KATNIP: variants seen among roughly 807,000 people sequenced by gnomAD.
The protein encoded by KATNIP is katanin-interacting protein.
In KATNIP, 126 loss-of-function variants were observed where a neutral mutation model predicts 174.0. The observed-to-expected ratio is 0.72, with a 90% CI of 0.63 to 0.84. The LOEUF is 0.84. KATNIP is among the 40% of genes least tolerant of loss of function. The pLI, the probability that KATNIP is intolerant of heterozygous loss-of-function variation, is 0.00. For synonymous variants in KATNIP, 810 were observed against 835.7 expected (o/e 0.97, Z 0.53); for missense variants, 1,958 against 2,109.7 (o/e 0.93, Z 1.41).
intron 14 of KATNIP, among the ~76,000 whole-genome samples, chr16:27,739,073 G>T (rs775854309): frequency 1.3e-5 from 2 of 152,154 alleles, no homozygotes. Context: ...AGGAGACAAC[G>T]CAGAGTGGAA....
chr16:27,757,471 T>C, intron 18 of KATNIP: 1 of 984,804 alleles, frequency 1.0e-6, no homozygotes, highest in Non-Finnish European at 1.2e-6. Flanking sequence ...CACTGTCCCC[T>C]TCATCTGATG....
Position 27,740,597 on chromosome 16 carries a change from G to A in KATNIP, c.2300G>A (p.Gly767Glu). ...PSPTGKDRKQ[G>E]GRKPKPLWLS... ...CCCACCGGCAAGGACAGGAAGCAGG[G>A]AGGCAGGAAGCCAAAACCCCTCTGG... The change falls in exon 15 of 28, where the codon GGA becomes GAA. Residue 767 changes from glycine to glutamate, a missense_variant. This residue lies in a region of KATNIP where 1,557 missense variants were observed against 1,617.8 expected (regional missense o/e 0.96). Transcript: ENST00000261588. The A allele has an allele frequency of 1.2e-6, 2 of 1,614,208 alleles. No individual in the cohort carries two copies. The highest frequency in any genetic ancestry group is 1.7e-6 in the Non-Finnish European group (2 of 1,180,042).
chr16:27,597,402 C>CTTTT (rs36005993), intron 2 of KATNIP, among the ~76,000 whole-genome samples: 4 of 46,142 alleles, frequency 8.7e-5, no homozygotes, highest in Non-Finnish European at 1.7e-4. Flanking sequence ...ATTTTCTTTT[C>CTTTT]TTTTTTTTTT....
At chr16:27,691,549 G>T (rs1418100402) in intron 8 of KATNIP, among the ~76,000 whole-genome samples, 1 of 152,180 alleles carries the variant, frequency 6.6e-6, no homozygotes, top group African/African-American at 2.4e-5. Context: ...ATTAAAAGGT[G>T]GTTACCTCGT....
At chr16:27,691,364 C>T (rs1292569106) in intron 8 of KATNIP, among the ~76,000 whole-genome samples, 12 of 152,100 alleles carry the variant, frequency 7.9e-5, no homozygotes, top group Non-Finnish European at 1.8e-4. Context: ...TGGTTCTCAA[C>T]CAGAAAAGAG....
At chr16:27,772,584 C>T (rs2082344480) in intron 22 of KATNIP, among the ~76,000 whole-genome samples, 1 of 152,220 alleles carries the variant, frequency 6.6e-6, no homozygotes, top group Non-Finnish European at 1.5e-5. Flanking sequence ...CGGCCCATGG[C>T]CCCTGGCGCT....
chr16:27,579,632 C>T (rs1025077471), intron 2 of KATNIP, among the ~76,000 whole-genome samples: 4 of 151,832 alleles, frequency 2.6e-5, no homozygotes, highest in African/African-American at 4.8e-5. Context: ...GCTGTGTGTC[C>T]CCAGGCACCT....
chr16:27,582,474 A>C (rs1356449600), intron 2 of KATNIP, among the ~76,000 whole-genome samples: 2 of 152,190 alleles, frequency 1.3e-5, no homozygotes, highest in Non-Finnish European at 2.9e-5. Flanking sequence ...TATTGTTGTC[A>C]GTCTTTCTGC....
rs369096704 is a variant in KATNIP at position 27,754,208 on chromosome 16, C to G, written c.3588C>G (p.Val1196=). ...PELELPSSSP[V]PQVTTPEPGI... ...TAGAGCTCCCATCCAGTTCCCCTGT[C>G]CCCCAAGTCACCACGCCAGAGCCAG... is the stretch of plus-strand genomic sequence containing the variant. Residue 1196 remains valine, a synonymous_variant, in exon 18 of 28, where the codon GTC becomes GTG. Transcript: ENST00000261588. 1 of 1,614,146 alleles carries G rather than the reference C, an allele frequency of 6.2e-7. No individual in the cohort carries two copies. The highest frequency in any genetic ancestry group is 2.2e-5 in the East Asian group (1 of 44,882).
At chr16:27,714,756 CA>C (rs1366853232) in intron 13 of KATNIP, among the ~76,000 whole-genome samples, 1 of 152,124 alleles carries the variant, frequency 6.6e-6, no homozygotes, top group East Asian at 1.9e-4. Flanking sequence ...AAAAGAAGTA[CA>C]AAATGTTTAC....
chr16:27,751,550 C>T (rs190275856), intron 16 of KATNIP, among the ~76,000 whole-genome samples, 169 bp from the exon 17 acceptor site: 2 of 152,292 alleles, frequency 1.3e-5, no homozygotes, highest in Admixed American at 6.5e-5. Flanking sequence ...GCTTATGGTC[C>T]GTGCATTCCA....
In KATNIP at chr16:27,754,223, G is replaced by A. The variant is rs757703261; in HGVS notation, c.3603G>A (p.Thr1201=). The change falls in exon 18 of 28, where the codon ACG becomes ACA. Residue 1201 remains threonine, a synonymous_variant. Transcript: ENST00000261588. ...PSSSPVPQVT[T]PEPGIYHGIC... ...GTTCCCCTGTCCCCCAAGTCACCAC[G>A]CCAGAGCCAGGCATCTACCACGGAA... is the stretch of plus-strand genomic sequence containing the variant. The A allele has an allele frequency of 1.7e-5, 27 of 1,614,108 alleles. No individual in the cohort carries two copies. The highest frequency in any genetic ancestry group is 1.2e-4 in the Admixed American group (7 of 60,032).
chr16:27,595,221 C>T (rs114327193), intron 2 of KATNIP, among the ~76,000 whole-genome samples: 1,803 of 152,202 alleles, frequency 0.012, 50 homozygotes, highest in African/African-American at 0.041. Flanking sequence ...CCTGTCTCTA[C>T]AAAAGTACAG....
At chr16:27,594,075 C>A (rs1442930126) in intron 2 of KATNIP, among the ~76,000 whole-genome samples, 1 of 150,896 alleles carries the variant, frequency 6.6e-6, no homozygotes, top group Non-Finnish European at 1.5e-5. Context: ...GGCAACATGG[C>A]AAGGCCTCGT....
intron 19 of KATNIP, among the ~76,000 whole-genome samples, chr16:27,761,907 G>T (rs892506984): frequency 1.3e-5 from 2 of 152,192 alleles, no homozygotes; most frequent in Non-Finnish European, 2.9e-5. Context: ...CACAGTAGCT[G>T]TCTGTAAACC....
chr16:27,772,945 T>C (rs1250904732), intron 22 of KATNIP, among the ~76,000 whole-genome samples, 154 bp from the exon 23 acceptor site: 1 of 152,152 alleles, frequency 6.6e-6, no homozygotes, highest in Non-Finnish European at 1.5e-5. Context: ...TGATGCTACC[T>C]ATATTTTGAT....
At chr16:27,623,403 C>T (rs1231638462) in intron 3 of KATNIP, among the ~76,000 whole-genome samples, 1 of 152,198 alleles carries the variant, frequency 6.6e-6, no homozygotes, top group African/African-American at 2.4e-5. Context: ...CCTACCCAAC[C>T]CAGTATTCAT....
At chr16:27,618,627 CT>C in intron 3 of KATNIP, 126 bp downstream of exon 3, 1 of 639,826 alleles carries the variant, frequency 1.6e-6, no homozygotes, top group Non-Finnish European at 2.8e-6. Flanking sequence ...CACTCAGAGG[CT>C]TAGAATATTA....
chr16:27,631,020 GTCA>G (rs766277506), intron 4 of KATNIP, 42 bp from the exon 5 acceptor site: 1 of 1,468,892 alleles, frequency 6.8e-7, no homozygotes. Context: ...CTGTGAGCTT[GTCA>G]TCAGTGCCTC....
Sources: gnomAD v4.1 joint callset for allele counts (sites outside exome capture counted in the v4.1 genomes callset) on GRCh38, gnomAD v4.1.1 for gene constraint, gnomAD v4.1.1 regional missense constraint, MANE v1.5 for transcripts, NCBI Gene and HGNC (gene_info 2026-07-23, HGNC 2026-07-21) for gene names.